Variants in TSC22D2 observed in about 807,000 individuals in gnomAD.
The protein encoded by TSC22D2 is TSC22 domain family member 2, also known as TSC22 domain family protein 2.
TSC22D2 carries 5 observed loss-of-function variants against 50.1 expected under a neutral mutation model. That is an observed-to-expected ratio of 0.10 (90% CI 0.05 to 0.21). TSC22D2 has a LOEUF of 0.21. Among genes scored for constraint, TSC22D2 ranks in the 10% least tolerant of loss-of-function variants. The probability of loss-of-function intolerance (pLI) is 1.00; values close to 1 mark genes in which losing one functional copy is unlikely to be tolerated. For synonymous variants in TSC22D2, 501 were observed against 450.1 expected (o/e 1.11, Z -1.43); for missense variants, 1,003 against 1,015.5 (o/e 0.99, Z 0.17).
At chr3:150,451,039 G>A (rs1721025572) in intron 1 of TSC22D2, among the ~76,000 whole-genome samples, 1 of 152,128 alleles carries the variant, frequency 6.6e-6, no homozygotes, top group Admixed American at 6.6e-5. Context: ...GTGAGTTTCT[G>A]AAGAATCAGT....
intron 1 of TSC22D2, among the ~76,000 whole-genome samples, chr3:150,434,585 CTTCT>C (rs1720477862): frequency 6.6e-6 from 1 of 151,942 alleles, no homozygotes; most frequent in East Asian, 1.9e-4. Context: ...TTTCCTTTGC[CTTCT>C]TTCTAAGCTG....
At chr3:150,431,644 G>T (rs1720384834) in intron 1 of TSC22D2, among the ~76,000 whole-genome samples, 1 of 152,146 alleles carries the variant, frequency 6.6e-6, no homozygotes, top group African/African-American at 2.4e-5. Flanking sequence ...TACTTGCTTA[G>T]CTAGTTTGTA....
intron 1 of TSC22D2, among the ~76,000 whole-genome samples, chr3:150,418,931 C>A (rs1719914723): frequency 1.3e-5 from 2 of 151,948 alleles, no homozygotes; most frequent in Non-Finnish European, 2.9e-5. Context: ...GAATTCTTAC[C>A]TAATGAAATG....
At chr3:150,440,187 G>C (rs899872600) in intron 1 of TSC22D2, among the ~76,000 whole-genome samples, 13 of 152,128 alleles carry the variant, frequency 8.5e-5, no homozygotes, top group African/African-American at 3.1e-4. Context: ...ACTGGAACCT[G>C]GGTATCAGTA....
chr3:150,412,986 C>G (rs1279824508), intron 1 of TSC22D2, among the ~76,000 whole-genome samples: 4 of 151,998 alleles, frequency 2.6e-5, no homozygotes, highest in East Asian at 3.9e-4. Flanking sequence ...CCTGAGCTAC[C>G]CCGCTTTCTA....
intron 1 of TSC22D2, among the ~76,000 whole-genome samples, chr3:150,418,496 AGC>A (rs1303683911): frequency 6.6e-6 from 1 of 152,016 alleles, no homozygotes; most frequent in African/African-American, 2.4e-5. Context: ...TCTGTCCTCC[AGC>A]CACCCTGTTT....
intron 1 of TSC22D2, among the ~76,000 whole-genome samples, chr3:150,421,521 A>G (rs1720008434): frequency 6.6e-6 from 1 of 152,212 alleles, no homozygotes; most frequent in African/African-American, 2.4e-5. Flanking sequence ...TAGCAGGTCT[A>G]ATCAGTGCCT....
chr3:150,447,152 G>A lies in TSC22D2; in HGVS notation c.1959-9924G>A, dbSNP rs373559134. Among the ~76,000 whole-genome samples the A allele has an allele frequency of 7.2e-5, 11 of 152,200 alleles. 1 individual carries two copies. In the East Asian group the frequency reaches 9.6e-4, roughly 13 times the overall value. ...GATTGAGAAGATATTTAAACAAGGC[G>A]TCTAAACAAGAATGACTTTAATAAA... On this transcript the variant is annotated intron_variant, in intron 1 of 2. Transcript: ENST00000688009.
At chr3:150,452,243 C>G (rs1162604080) in intron 1 of TSC22D2, among the ~76,000 whole-genome samples, 1 of 152,002 alleles carries the variant, frequency 6.6e-6, no homozygotes, top group African/African-American at 2.4e-5. Context: ...GTCGGGAGTT[C>G]GAGACCAGCC....
In TSC22D2 at chr3:150,431,224, C is replaced by CAAAAAAAAAAA. The variant is rs71138443; in HGVS notation, c.1958+19933_1958+19943dup. Among the ~76,000 whole-genome samples, 10 of 27,970 alleles carry CAAAAAAAAAAA rather than the reference C, an allele frequency of 3.6e-4. 2 individuals are homozygous for CAAAAAAAAAAA. Among genetic ancestry groups the CAAAAAAAAAAA allele is most frequent in the African/African-American group, 1.5e-3 (9 of 6,090 alleles). The allele number at this position is 27,970 out of a possible 152,430, so 18.3% of individuals were successfully genotyped here. A position where few individuals can be genotyped will look rare whatever the true frequency, so the allele number is the denominator to read the frequency against. ...TGGGTGACAGAGTGAGGCTCTGTCT[C>CAAAAAAAAAAA]AAAAAAAAAAAAAAAAAAAAAAAAA... On this transcript the variant is annotated intron_variant, in intron 1 of 2. Transcript: ENST00000688009.
intron 1 of TSC22D2, among the ~76,000 whole-genome samples, chr3:150,414,996 T>C (rs1319142368): frequency 1.3e-5 from 2 of 151,084 alleles, no homozygotes; most frequent in Admixed American, 6.6e-5. Context: ...AAGAGTGTTC[T>C]TACTGAGGAG....
chr3:150,412,486 T>G (rs982950653), intron 1 of TSC22D2, among the ~76,000 whole-genome samples: 8 of 152,224 alleles, frequency 5.3e-5, no homozygotes, highest in African/African-American at 1.7e-4. Context: ...TCACATTTCT[T>G]AACCTCCCAT....
intron 1 of TSC22D2, among the ~76,000 whole-genome samples, chr3:150,445,328 T>C (rs1463668914): frequency 8.0e-6 from 1 of 125,712 alleles, no homozygotes; most frequent in Non-Finnish European, 1.7e-5. Flanking sequence ...ATAATAATAA[T>C]AATAATAATA....
intron 1 of TSC22D2, among the ~76,000 whole-genome samples, chr3:150,443,749 T>G (rs1207875203): frequency 6.6e-6 from 1 of 152,192 alleles, no homozygotes; most frequent in African/African-American, 2.4e-5. Context: ...AGAGTGAGAT[T>G]AGTCAGCTGA....
chr3:150,458,423 A>G lies in TSC22D2; in HGVS notation c.2058A>G (p.Glu686=). Residue 686 remains glutamate (E), a synonymous_variant, in exon 3 of 3, where the codon GAA becomes GAG. Transcript: ENST00000688009. ...HLMYAVREEV[E]VLKEQIKELV... ...TGTATGCAGTAAGAGAAGAAGTGGA[A>G]GTTTTAAAGGAACAAATAAAAGAAT... 1 of 1,614,094 alleles carries G rather than the reference A, an allele frequency of 6.2e-7. No homozygotes were observed. The highest frequency in any genetic ancestry group is 8.5e-7 in the Non-Finnish European group (1 of 1,179,992).
intron 1 of TSC22D2, among the ~76,000 whole-genome samples, chr3:150,442,570 AG>A (rs1464572299): frequency 6.6e-6 from 1 of 152,214 alleles, no homozygotes; most frequent in Non-Finnish European, 1.5e-5. Flanking sequence ...TAACATAGTA[AG>A]TGTTTACCAT....
chr3:150,428,065 G>A (rs1414439219), intron 1 of TSC22D2, among the ~76,000 whole-genome samples: 6 of 151,896 alleles, frequency 4.0e-5, no homozygotes, highest in Non-Finnish European at 7.4e-5. Flanking sequence ...TCTGTTCCAG[G>A]ATCCAATTCA....
intron 1 of TSC22D2, among the ~76,000 whole-genome samples, chr3:150,445,281 C>G (rs573026957): frequency 2.0e-5 from 3 of 150,186 alleles, no homozygotes; most frequent in East Asian, 3.9e-4. Context: ...CCATTGCACT[C>G]CAGCCTGGGT....
intron 1 of TSC22D2, among the ~76,000 whole-genome samples, chr3:150,422,311 A>G (rs2108070132): frequency 6.6e-6 from 1 of 152,300 alleles, no homozygotes; most frequent in East Asian, 1.9e-4. Flanking sequence ...CCTAGATTTG[A>G]GGTGAATCAT....
Sources: gnomAD v4.1 joint callset for allele counts (sites outside exome capture counted in the v4.1 genomes callset) on GRCh38, gnomAD v4.1.1 for gene constraint, MANE v1.5 for transcripts, NCBI Gene and HGNC (gene_info 2026-07-23, HGNC 2026-07-21) for gene names.